Variants in COL6A3 observed in about 807,000 individuals in gnomAD.
The protein encoded by COL6A3 is collagen type VI alpha 3 chain, also known as collagen alpha-3(VI) chain.
Under a neutral mutation model 274.1 loss-of-function variants are expected in COL6A3, and 137 were observed. The observed-to-expected ratio is 0.50, with a 90% CI of 0.44 to 0.58. The LOEUF is 0.58. Among genes scored for constraint, COL6A3 ranks in the 20% least tolerant of loss-of-function variants. The probability of loss-of-function intolerance (pLI) is 0.00; values close to 1 mark genes in which losing one functional copy is unlikely to be tolerated. For synonymous variants in COL6A3, 1,650 were observed against 1,650.6 expected, an observed-to-expected ratio of 1.00 and a Z score of 0.01; for missense variants, 3,950 against 4,124.9, an observed-to-expected ratio of 0.96 and a Z score of 1.16.
intron 3 of COL6A3, among the ~76,000 whole-genome samples, chr2:237,391,234 A>G (rs1276705114): frequency 6.6e-6 from 1 of 151,352 alleles, no homozygotes; most frequent in African/African-American, 2.5e-5. Context: ...GATGTTAATT[A>G]GAAAAGACAC....
At chr2:237,329,419 A>G (rs915466008) in intron 42 of COL6A3, 20 of 152,200 alleles carry the variant, frequency 1.3e-4, no homozygotes, top group Admixed American at 1.1e-3. Flanking sequence ...CTTGACCAAC[A>G]GACTTCTATT....
In COL6A3 at chr2:237,361,448, A is replaced by C. The variant is rs564669711; in HGVS notation, c.6157-274T>G. Among the ~76,000 whole-genome samples, 65 of 152,334 alleles carry C rather than the reference A, an allele frequency of 4.3e-4. No homozygotes were observed. The highest frequency in any genetic ancestry group is 1.5e-3 in the African/African-American group (63 of 41,576). On this transcript the variant is annotated intron_variant, in intron 15 of 43. Transcript: ENST00000295550. This position sits in a 1 kb window ranked among gnomAD's most constrained non-coding sequence, Gnocchi z 5.1. ...ATTCGCAGCCAGGCTGCTGTCAGGG[A>C]CGCCAGCTGCCTTTAACATTATTTT... is the stretch of plus-strand genomic sequence containing the variant.
At position 237,368,952 on chromosome 2, in the gene COL6A3, C is replaced by T. The variant is rs757898607; in HGVS notation, c.4511G>A (p.Arg1504Gln). 7.4e-6 allele frequency: 12 copies of T among 1,614,068 alleles called. No individual in the cohort carries two copies. Among genetic ancestry groups the T allele is most frequent in the East Asian group, 4.5e-5 (2 of 44,896 alleles). ...GGACCCCCCTCTGAGCCTCAGGCGC[C>T]GTATGGCGTCCAGCACCGGGGCCTG... is the stretch of plus-strand genomic sequence containing the variant. Reference protein sequence around the residue: ...RSQAPVLDAIRRLRLRGGSPL... With the variant: ...RSQAPVLDAIQRLRLRGGSPL... Residue 1504 changes from arginine to glutamine, a missense_variant, in exon 10 of 44, where the codon CGG (arginine) becomes CAG (glutamine). This residue lies in a region of COL6A3 where 1,934 missense variants were observed against 1,984.3 expected (regional missense o/e 0.97). Transcript: ENST00000295550. The surrounding 1 kb of genome is among the most constrained non-coding windows in gnomAD (Gnocchi z 4.4).
chr2:237,344,321 G>A lies in COL6A3; in HGVS notation c.7668+29C>T. 5 of 1,614,128 alleles carry A rather than the reference G, an allele frequency of 3.1e-6. No homozygotes were observed. Among genetic ancestry groups the A allele is most frequent in the Non-Finnish European group, 4.2e-6 (5 of 1,180,028 alleles). ...TTCTCAGAGCCCCAGAAGAAAGGGA[G>A]ATGCCAACAGCACGCACAGAGCACA... On this transcript the variant is annotated intron_variant, in intron 36 of 43. Coordinates refer to ENST00000295550, the MANE Select transcript of COL6A3 (RefSeq NM_004369.4). This position sits in a 1 kb window ranked among gnomAD's most constrained non-coding sequence, Gnocchi z 4.8.
Position 237,345,194 on chromosome 2 carries a change from C to T in COL6A3, c.7112G>A (p.Gly2371Asp). The T allele has an allele frequency of 6.2e-7, 1 of 1,614,164 alleles. No homozygotes were observed. The highest frequency in any genetic ancestry group is 8.5e-7 in the Non-Finnish European group (1 of 1,180,028). ...PGPAGPKGNR[G>D]DSIDQCALIQ... ...CATGCAACTTACATCGATGGAGTCGCCCCTGTTGCCCTTGGGACCCTGTAA... is the reference window on the plus strand; with the variant it reads ...CATGCAACTTACATCGATGGAGTCGTCCCTGTTGCCCTTGGGACCCTGTAA... The change falls in exon 33 of 44, where the codon GGC becomes GAC. Residue 2371 changes from glycine (G) to aspartate (D), a missense_variant. Around this residue, in one of 5 missense-constraint regions of COL6A3, gnomAD observed 1,284 missense variants for 1,349.7 expected, o/e 0.95. Transcript: ENST00000295550.
chr2:237,354,714 T>A (rs2077279500), intron 24 of COL6A3, among the ~76,000 whole-genome samples, 185 bp downstream of exon 24: 1 of 152,162 alleles, frequency 6.6e-6, no homozygotes. Flanking sequence ...TGGGCAGGTG[T>A]CATCAGGGCC....
rs774234847 is a variant in COL6A3 at position 237,381,042 on chromosome 2, A to G, written c.1770T>C (p.Ala590=). 72 of 1,614,228 alleles carry G rather than the reference A, an allele frequency of 4.5e-5. No individual in the cohort carries two copies. The highest frequency in any genetic ancestry group is 5.8e-5 in the Non-Finnish European group (69 of 1,180,040). ...AGTCGAAAGCGATCTCTTCCAGCTC[A>G]GCCTGATCGGCACCCTTGTTCCCAA... ...FAIGNKGADQ[A]ELEEIAFDSS... is the part of the protein sequence containing the mutation. Residue 590 remains alanine, a synonymous_variant, in exon 5 of 44, where the codon GCT becomes GCC. Coordinates refer to ENST00000295550, the MANE Select transcript of COL6A3 (RefSeq NM_004369.4).
chr2:237,387,544 C>G, intron 4 of COL6A3, 38 bp downstream of exon 4: 1 of 1,613,464 alleles, frequency 6.2e-7, no homozygotes. Flanking sequence ...ACACACAACA[C>G]CCCACTCCCA....
chr2:237,344,767 A>T lies in COL6A3; in HGVS notation c.7251T>A (p.Thr2417=), dbSNP rs1209383850. The T allele has an allele frequency of 2.5e-6, 4 of 1,602,734 alleles. No individual in the cohort carries two copies. The highest frequency in any genetic ancestry group is 3.4e-6 in the Non-Finnish European group (4 of 1,174,942). ...LDTSEGVNQD[T]FGRMRDVVLS... ...AGACCACATCTCGCATCCGGCCGAAAGTGTCTTGGTTGACTCCCTCAGAGG... is the reference window on the plus strand; with the variant it reads ...AGACCACATCTCGCATCCGGCCGAATGTGTCTTGGTTGACTCCCTCAGAGG... The change falls in exon 36 of 44, where the codon ACT becomes ACA. Residue 2417 remains threonine (T), a synonymous_variant. Coordinates refer to ENST00000295550, the MANE Select transcript of COL6A3 (RefSeq NM_004369.4). The surrounding 1 kb of genome is among the most constrained non-coding windows in gnomAD (Gnocchi z 4.8).
At chr2:237,401,690 A>ATTTT (rs60843699) in intron 1 of COL6A3, among the ~76,000 whole-genome samples, 1 of 148,276 alleles carries the variant, frequency 6.7e-6, no homozygotes, top group African/African-American at 2.5e-5. Context: ...TTATACTGTA[A>ATTTT]TTTTTTTTTT....
rs372617719 is a variant in COL6A3 at position 237,364,302 on chromosome 2, C to T, written c.5917+48G>A. ...TTCTCTCCAGCAGAGCAGTACACCCCGCCTCACCAGGGTTTACTTCTCATA... is the reference window on the plus strand; with the variant it reads ...TTCTCTCCAGCAGAGCAGTACACCCTGCCTCACCAGGGTTTACTTCTCATA... On this transcript the variant is annotated intron_variant, in intron 13 of 43. Transcript: ENST00000295550. This position sits in a 1 kb window ranked among gnomAD's most constrained non-coding sequence, Gnocchi z 4.6. 5.4e-5 allele frequency: 77 copies of T among 1,420,850 alleles called. No homozygotes were observed. The African/African-American group carries it at 7.7e-4, about 14-fold the overall frequency. 88.0% of individuals were successfully genotyped at this position (1,420,850 alleles called of 1,614,324 possible). A position where few individuals can be genotyped will look rare whatever the true frequency, so the allele number is the denominator to read the frequency against.
chr2:237,408,943 G>C (rs2078786632), intron 1 of COL6A3, among the ~76,000 whole-genome samples: 1 of 152,066 alleles, frequency 6.6e-6, no homozygotes. Context: ...ACTTAAAAGA[G>C]GCTACTCCAA....
intron 25 of COL6A3, 103 bp from the exon 26 acceptor site, chr2:237,352,687 G>A: frequency 8.6e-7 from 1 of 1,162,960 alleles, no homozygotes; most frequent in Non-Finnish European, 1.3e-6. Flanking sequence ...CCTCACTTCT[G>A]CTGGCCAAAA....
intron 6 of COL6A3, 96 bp from the exon 7 acceptor site, chr2:237,377,440 G>T: frequency 8.3e-7 from 1 of 1,200,852 alleles, no homozygotes; most frequent in Non-Finnish European, 1.2e-6. Flanking sequence ...AGGAGTTGGT[G>T]AAACTCATCT....
At chr2:237,389,124 T>A (rs2078226188) in intron 3 of COL6A3, among the ~76,000 whole-genome samples, 1 of 152,202 alleles carries the variant, frequency 6.6e-6, no homozygotes, top group South Asian at 2.1e-4. Flanking sequence ...GAAAAACAGC[T>A]GACCAAGACC....
In COL6A3 at chr2:237,369,263, A is replaced by C; in HGVS notation, c.4286-86T>G. 2.6e-6 allele frequency: 4 copies of C among 1,535,692 alleles called. No homozygotes were observed. The South Asian group carries it at 4.7e-5, about 18-fold the overall frequency. On this transcript the variant is annotated intron_variant, in intron 9 of 43. Transcript: ENST00000295550. ...GGTGTGCACCTTGCACCATAATCCT[A>C]ATCAACCTTAAGATTATATCCCAAG...
At position 237,359,217 on chromosome 2, in the gene COL6A3, C is replaced by T. The variant is rs1300930286; in HGVS notation, c.6343G>A (p.Asp2115Asn). ...GTAAAATCACTTACATCTTCACCATCCAGACCATCCAGTCCAATTTCTCCT... is the reference window on the plus strand; with the variant it reads ...GTAAAATCACTTACATCTTCACCATTCAGACCATCCAGTCCAATTTCTCCT... ...EVGEIGLDGL[D>N]GEDGDKGLPG... is the part of the protein sequence containing the mutation. Residue 2115 changes from aspartate (D) to asparagine (N), a missense_variant, in exon 19 of 44, where the codon GAT becomes AAT. Transcript: ENST00000295550. The T allele has an allele frequency of 5.0e-6, 8 of 1,614,248 alleles. No individual in the cohort carries two copies. The highest frequency in any genetic ancestry group is 6.8e-6 in the Non-Finnish European group (8 of 1,180,026).
chr2:237,357,730 G>T, intron 22 of COL6A3, 87 bp downstream of exon 22: 1 of 1,341,770 alleles, frequency 7.5e-7, no homozygotes, highest in Non-Finnish European at 1.1e-6. Flanking sequence ...CCACGTCTTT[G>T]GCCTCTGTGG....
intron 43 of COL6A3, 54 bp downstream of exon 43, chr2:237,325,506 T>C (rs1489907102): frequency 2.5e-6 from 4 of 1,587,664 alleles, no homozygotes; most frequent in Non-Finnish European, 3.5e-6. Flanking sequence ...AGGTGACTTA[T>C]TGACCTGAAT....
Sources: allele counts gnomAD v4.1 joint callset (sites outside exome capture counted in the v4.1 genomes callset), GRCh38; gene constraint gnomAD v4.1.1; regional missense constraint gnomAD v4.1.1; non-coding constraint Gnocchi (gnomAD v3.1); transcripts MANE v1.5; gene names NCBI Gene and HGNC (gene_info 2026-07-23, HGNC 2026-07-21).